Variants in FBRSL1 observed in about 807,000 individuals in gnomAD.
FBRSL1 encodes fibrosin like 1.
FBRSL1 carries 51 observed loss-of-function variants against 89.6 expected under a neutral mutation model. That is an observed-to-expected ratio of 0.57 (90% CI 0.45 to 0.72). The LOEUF is 0.72. Ranked by LOEUF, FBRSL1 falls within the 30% of genes least tolerant of loss-of-function variation. FBRSL1 has a pLI of 0.00. For missense variants in FBRSL1, 1,618 were observed against 1,451.8 expected, an observed-to-expected ratio of 1.11 and a Z score of -1.86; for synonymous variants, 779 against 681.1, an observed-to-expected ratio of 1.14 and a Z score of -2.24.
intron 5 of FBRSL1, among the ~76,000 whole-genome samples, chr12:132,564,728 C>T (rs1030272726): frequency 6.8e-5 from 6 of 88,748 alleles, no homozygotes; most frequent in Non-Finnish European, 1.2e-4. Context: ...ATCTCCTGAC[C>T]TCGTGATCCG....
Position 132,569,934 on chromosome 12 carries a change from C to T in FBRSL1, c.700C>T (p.Leu234Phe), listed in dbSNP as rs560007128. The T allele has an allele frequency of 1.3e-4, 187 of 1,411,228 alleles. No individual in the cohort carries two copies. The African/African-American group carries it at 2.7e-3, about 21-fold the overall frequency. The allele number at this position is 1,411,228 out of a possible 1,614,324, so 87.4% of individuals were successfully genotyped here. A position where few individuals can be genotyped will look rare whatever the true frequency, so the allele number is the denominator to read the frequency against. The change falls in exon 7 of 19, where the codon CTT (leucine) becomes TTT (phenylalanine). Residue 234 changes from leucine (L) to phenylalanine (F), a missense_variant. Transcript: ENST00000680143. ...FAPGTDKGPA[L>F]EKSEAKAGPV... ...CCACCCTCTCTCTGCAGGCCCAGCG[C>T]TTGAGAAGTCGGAGGCCAAGGCCGG...
In FBRSL1 at chr12:132,583,452, C is replaced by A; in HGVS notation, c.2683C>A (p.Pro895Thr). 9.4e-7 allele frequency: 1 copy of A among 1,065,222 alleles called. No homozygotes were observed. 66.0% of individuals were successfully genotyped at this position (1,065,222 alleles called of 1,614,324 possible). ...YRDREPHGYS[P>T]ERLRGELERA... Reference sequence around the variant, plus strand: ...CGACCGCGAGCCCCACGGCTACAGCCCCGAGCGCCTGCGCGGGGAGCTGGA... The same window carrying A: ...CGACCGCGAGCCCCACGGCTACAGCACCGAGCGCCTGCGCGGGGAGCTGGA... The change falls in exon 19 of 19, where the codon CCC becomes ACC. Residue 895 changes from proline (P) to threonine (T), a missense_variant. Pro to Thr is a conservative substitution (Grantham distance 38, BLOSUM62 -1). Transcript: ENST00000680143.
intron 4 of FBRSL1, among the ~76,000 whole-genome samples, chr12:132,528,249 G>C (rs890255538): frequency 2.0e-5 from 3 of 151,984 alleles, no homozygotes; most frequent in Non-Finnish European, 4.4e-5. Flanking sequence ...CCAGGGGGAC[G>C]GGCTGGCCCT....
intron 1 of FBRSL1, among the ~76,000 whole-genome samples, chr12:132,501,989 C>T (rs529277825): frequency 2.0e-5 from 3 of 152,358 alleles, no homozygotes; most frequent in East Asian, 1.9e-4. Context: ...ACTTGCCTTT[C>T]CTTTTATTCT....
At chr12:132,572,772 C>T (rs752522101) in intron 11 of FBRSL1, 150 bp downstream of exon 11, 10 of 657,074 alleles carry the variant, frequency 1.5e-5, no homozygotes, top group Non-Finnish European at 2.6e-5. Flanking sequence ...GTGAGCAGCC[C>T]CTGCCAGGAT....
intron 5 of FBRSL1, 135 bp downstream of exon 5, chr12:132,548,167 G>C: frequency 1.9e-6 from 2 of 1,047,784 alleles, no homozygotes; most frequent in South Asian, 3.1e-5. Flanking sequence ...GGTGGGTGCA[G>C]GGGGCTTGTG....
rs577137744 is a variant in FBRSL1 at position 132,538,594 on chromosome 12, G to A, written c.616-9409G>A. ...CCCACCGGGAGGCACCCTCGCAGGC[G>A]GGCGCACAGCCCATGGGGCCTTGGC... On this transcript the variant is annotated intron_variant, in intron 4 of 18. Transcript: ENST00000680143. Among the ~76,000 whole-genome samples the A allele has an allele frequency of 4.9e-4, 74 of 152,316 alleles. No homozygotes were observed. In the Middle Eastern group the frequency reaches 0.01, roughly 21 times the overall value.
intron 4 of FBRSL1, among the ~76,000 whole-genome samples, chr12:132,533,753 C>T (rs1364142782): frequency 6.6e-6 from 1 of 152,266 alleles, no homozygotes; most frequent in African/African-American, 2.4e-5. Context: ...GGCTGGGCTC[C>T]ATGCCAGGCA....
At chr12:132,529,147 C>T (rs569356096) in intron 4 of FBRSL1, among the ~76,000 whole-genome samples, 1 of 152,328 alleles carries the variant, frequency 6.6e-6, no homozygotes, top group Admixed American at 6.5e-5. Context: ...CTGCCCACCC[C>T]ATCCCTGCAG....
chr12:132,495,927 G>A (rs1001420146), intron 1 of FBRSL1, among the ~76,000 whole-genome samples: 2 of 152,226 alleles, frequency 1.3e-5, no homozygotes, highest in African/African-American at 2.4e-5. Context: ...TGCCCCTCAC[G>A]GGCCCCTGCC....
chr12:132,520,419 C>T (rs1488016068), intron 2 of FBRSL1, among the ~76,000 whole-genome samples: 2 of 152,196 alleles, frequency 1.3e-5, no homozygotes, highest in Non-Finnish European at 2.9e-5. Context: ...AACTGGGTCA[C>T]TTCCTTTCCC....
intron 15 of FBRSL1, among the ~76,000 whole-genome samples, chr12:132,578,737 C>G (rs2040549739): frequency 6.6e-6 from 1 of 152,058 alleles, no homozygotes; most frequent in Non-Finnish European, 1.5e-5. Context: ...CCCTCACTCT[C>G]CCCTCACCGT....
At chr12:132,542,694 C>T (rs2037363249) in intron 4 of FBRSL1, among the ~76,000 whole-genome samples, 1 of 152,204 alleles carries the variant, frequency 6.6e-6, no homozygotes, top group Non-Finnish European at 1.5e-5. Flanking sequence ...AGCCCCTTGG[C>T]CCCTCTGTCT....
At chr12:132,536,604 CGGT>C (rs962938252) in intron 4 of FBRSL1, among the ~76,000 whole-genome samples, 2 of 144,210 alleles carry the variant, frequency 1.4e-5, no homozygotes, top group Non-Finnish European at 3.0e-5. Context: ...GTGTACATGA[CGGT>C]GTGTGTGTGA....
In FBRSL1 at chr12:132,581,484, C is replaced by T. The variant is rs1333696114; in HGVS notation, c.1880C>T (p.Pro627Leu). The T allele has an allele frequency of 6.4e-7, 1 of 1,551,014 alleles. No homozygotes were observed. Among genetic ancestry groups the T allele is most frequent in the Non-Finnish European group, 8.7e-7 (1 of 1,146,954 alleles). Residue 627 changes from proline to leucine, a missense_variant, in exon 16 of 19, where the codon CCT becomes CTT. By Grantham distance (98) the Pro-to-Leu change is moderately conservative. Transcript: ENST00000680143. Reference protein sequence around the residue: ...ASNPFGPSAHPGSFLPTGPLT... With the variant: ...ASNPFGPSAHLGSFLPTGPLT... ...AACCCATTTGGACCCTCAGCCCATCCTGGCAGCTTCCTGCCCACTGGCCCC... is the reference window on the plus strand; with the variant it reads ...AACCCATTTGGACCCTCAGCCCATCTTGGCAGCTTCCTGCCCACTGGCCCC...
Position 132,583,621 on chromosome 12 carries a change from C to G in FBRSL1, c.2852C>G (p.Ala951Gly), listed in dbSNP as rs2040949288. Reference sequence around the variant, plus strand: ...CTGGCGCGGACCCCGCCCGCCGCCGCCGCCCTCGGCGCACCGCCCCCCCTG... The same window carrying G: ...CTGGCGCGGACCCCGCCCGCCGCCGGCGCCCTCGGCGCACCGCCCCCCCTG... ...GLLARTPPAAAALGAPPPLVT... is the reference protein window; with the variant it reads ...GLLARTPPAAGALGAPPPLVT... Residue 951 changes from alanine (A) to glycine (G), a missense_variant, in exon 19 of 19, where the codon GCC becomes GGC. By Grantham distance (60) the Ala-to-Gly change is moderately conservative. Coordinates refer to ENST00000680143, the MANE Select transcript of FBRSL1 (RefSeq NM_001367871.1). 2.0e-6 allele frequency: 2 copies of G among 993,562 alleles called. No individual in the cohort carries two copies. The highest frequency in any genetic ancestry group is 1.8e-5 in the African/African-American group (1 of 56,812). 61.5% of individuals were successfully genotyped at this position (993,562 alleles called of 1,614,324 possible).
intron 4 of FBRSL1, among the ~76,000 whole-genome samples, chr12:132,531,650 T>C (rs1171872634): frequency 6.6e-6 from 1 of 152,220 alleles, no homozygotes; most frequent in African/African-American, 2.4e-5. Context: ...TTGCGTGTTG[T>C]GCACTTGGCG....
In FBRSL1 at chr12:132,546,070, C is replaced by T. The variant is rs1404470365; in HGVS notation, c.616-1933C>T. On this transcript the variant is annotated intron_variant, in intron 4 of 18. Transcript: ENST00000680143. This position sits in a 1 kb window ranked among gnomAD's most constrained non-coding sequence, Gnocchi z 4.0. ...TCCTGCTTTGCCCTCTTCCGGTCCCCTCAGCCCTGGCGTGTTCTGGCATGT... is the reference window on the plus strand; with the variant it reads ...TCCTGCTTTGCCCTCTTCCGGTCCCTTCAGCCCTGGCGTGTTCTGGCATGT... Among the ~76,000 whole-genome samples, 4 of 152,366 alleles carry T rather than the reference C, an allele frequency of 2.6e-5. No homozygotes were observed. The highest frequency in any genetic ancestry group is 9.6e-5 in the African/African-American group (4 of 41,588).
intron 2 of FBRSL1, among the ~76,000 whole-genome samples, chr12:132,516,508 T>C (rs2034856794): frequency 6.6e-6 from 1 of 152,200 alleles, no homozygotes; most frequent in Non-Finnish European, 1.5e-5. Context: ...GTCTTACATC[T>C]GTTAGATGGA....
Sources: allele counts gnomAD v4.1 joint callset (sites outside exome capture counted in the v4.1 genomes callset), GRCh38; gene constraint gnomAD v4.1.1; non-coding constraint Gnocchi (gnomAD v3.1); transcripts MANE v1.5; gene names NCBI Gene and HGNC (gene_info 2026-07-23, HGNC 2026-07-21).